Variants in OSMR observed in about 807,000 individuals in gnomAD.
The protein encoded by OSMR is oncostatin-M-specific receptor subunit beta.
A neutral mutation model predicts 99.9 loss-of-function variants in OSMR; 81 were observed. That is an observed-to-expected ratio of 0.81 (90% confidence interval 0.68 to 0.97). The LOEUF is 0.97. Among genes scored for constraint, OSMR ranks in the 50% least tolerant of loss-of-function variants. OSMR has a pLI of 0.00. For missense variants in OSMR, 1,099 were observed against 1,153.4 expected, an observed-to-expected ratio of 0.95 and a Z score of 0.68; for synonymous variants, 406 against 410.4, an observed-to-expected ratio of 0.99 and a Z score of 0.13.
intron 7 of OSMR, among the ~76,000 whole-genome samples, chr5:38,902,186 C>T (rs1196589467): frequency 6.6e-6 from 1 of 152,208 alleles, no homozygotes; most frequent in East Asian, 1.9e-4. Flanking sequence ...TATAAGAGTA[C>T]TACTTTTGTT....
chr5:38,886,235 T>G, intron 7 of OSMR, 45 bp downstream of exon 7: 1 of 1,613,806 alleles, frequency 6.2e-7, no homozygotes, highest in Non-Finnish European at 8.5e-7. Context: ...CTAACGTGTC[T>G]TTGTTTCACA....
intron 7 of OSMR, among the ~76,000 whole-genome samples, chr5:38,901,823 A>G (rs1744909926): frequency 6.6e-6 from 1 of 152,208 alleles, no homozygotes; most frequent in South Asian, 2.1e-4. Flanking sequence ...CTCATTTAAA[A>G]TTGGTGGGTT....
At position 38,933,143 on chromosome 5, in the gene OSMR, C is replaced by G; in HGVS notation, c.2639C>G (p.Ala880Gly). 3 of 1,614,154 alleles carry G rather than the reference C, an allele frequency of 1.9e-6. No homozygotes were observed. The highest frequency in any genetic ancestry group is 2.5e-6 in the Non-Finnish European group (3 of 1,180,002). ...GGCCATGTTCCAGTATCCCCAAAAG[C>G]CCCAAGTATGCTGGGACTAATGACC... ...SCGHVPVSPK[A>G]PSMLGLMTSP... Residue 880 changes from alanine to glycine, a missense_variant, in exon 18 of 18, where the codon GCC (alanine) becomes GGC (glycine). Ala to Gly is a moderately conservative substitution (Grantham distance 60). Coordinates refer to ENST00000274276, the MANE Select transcript of OSMR (RefSeq NM_003999.3).
chr5:38,911,266 G>A (rs1444081930), intron 9 of OSMR, among the ~76,000 whole-genome samples: 1 of 152,096 alleles, frequency 6.6e-6, no homozygotes, highest in African/African-American at 2.4e-5. Context: ...TGACCCCATA[G>A]AAACACAAAA....
At chr5:38,942,224 G>T in intron 1 of OSMR, 2 of 808,098 alleles carry the variant, frequency 2.5e-6, no homozygotes, top group Non-Finnish European at 4.1e-6. Flanking sequence ...TGCCTAGTCA[G>T]TCGTATTTTC....
intron 12 of OSMR, among the ~76,000 whole-genome samples, chr5:38,922,686 G>T (rs1222192102): frequency 6.6e-6 from 1 of 152,146 alleles, no homozygotes; most frequent in Non-Finnish European, 1.5e-5. Context: ...GGACTCCAAG[G>T]CTTCATGGAA....
Position 38,925,237 on chromosome 5 carries a change from A to G in OSMR, c.2078A>G (p.Asn693Ser). The change falls in exon 15 of 18, where the codon AAC becomes AGC. Residue 693 changes from asparagine (N) to serine (S), a missense_variant. Physicochemically the swap from Asn to Ser is conservative, Grantham distance 46. Coordinates refer to ENST00000274276, the MANE Select transcript of OSMR (RefSeq NM_003999.3). ...GAATGTTGCAAATACAAAATTGACA[A>G]CCCGGAAGAAAAGGCATTGATTGTG... ...GSECCKYKID[N>S]PEEKALIVDN... 6.2e-7 allele frequency: 1 copy of G among 1,614,118 alleles called. No individual in the cohort carries two copies. The highest frequency in any genetic ancestry group is 8.5e-7 in the Non-Finnish European group (1 of 1,179,994).
At chr5:38,849,278 A>G (rs902588311) in intron 1 of OSMR, among the ~76,000 whole-genome samples, 1 of 152,172 alleles carries the variant, frequency 6.6e-6, no homozygotes, top group Non-Finnish European at 1.5e-5. Context: ...CACTTGATAG[A>G]TACGAAGTGG....
In OSMR at chr5:38,886,155, G is replaced by A. The variant is rs755668690; in HGVS notation, c.956G>A (p.Arg319Lys). The A allele has an allele frequency of 1.2e-6, 2 of 1,614,110 alleles. No individual in the cohort carries two copies. Among genetic ancestry groups the A allele is most frequent in the East Asian group, 4.5e-5 (2 of 44,886 alleles). Residue 319 changes from arginine (R) to lysine (K), a missense_variant, in exon 7 of 18, where the codon AGA becomes AAA. Physicochemically the swap from Arg to Lys is conservative, Grantham distance 26. Transcript: ENST00000274276. ...TLIAENYLRK[R>K]SVNILFNLTH... ...ATAGCTGAAAATTACTTAAGGAAGA[G>A]AAGTGTCAATATCCTTTTTAACCTG...
intron 5 of OSMR, among the ~76,000 whole-genome samples, chr5:38,884,402 C>A (rs983629022): frequency 6.6e-6 from 1 of 152,024 alleles, no homozygotes. Context: ...TTTGCCCAGC[C>A]ATGCTGGAAT....
chr5:38,927,920 T>A (rs1367065500), intron 15 of OSMR, among the ~76,000 whole-genome samples: 1 of 152,182 alleles, frequency 6.6e-6, no homozygotes, highest in Non-Finnish European at 1.5e-5. Flanking sequence ...ATACCCTAAA[T>A]CATCTGTCTC....
Position 38,933,663 on chromosome 5 carries a change from G to A in OSMR, c.*219G>A, listed in dbSNP as rs993063220. On this transcript the variant is annotated 3_prime_UTR_variant, in exon 18 of 18. Transcript: ENST00000274276. ...CCCTAGAGACGGCAGGATCATGGGAGCATGCTTACCTTCTGCTGTTTGTTC... is the reference window on the plus strand; with the variant it reads ...CCCTAGAGACGGCAGGATCATGGGAACATGCTTACCTTCTGCTGTTTGTTC... 3.5e-6 allele frequency: 2 copies of A among 577,064 alleles called. No individual in the cohort carries two copies. Among genetic ancestry groups the A allele is most frequent in the South Asian group, 2.0e-5 (1 of 49,952 alleles). 35.7% of individuals were successfully genotyped at this position (577,064 alleles called of 1,614,324 possible). A position where few individuals can be genotyped will look rare whatever the true frequency, so the allele number is the denominator to read the frequency against.
chr5:38,846,640 C>T (rs903711372), intron 1 of OSMR, among the ~76,000 whole-genome samples: 1 of 152,142 alleles, frequency 6.6e-6, no homozygotes, highest in Admixed American at 6.5e-5. Flanking sequence ...TTCTGGGAAT[C>T]CGTGTATCTC....
rs570306871 is a variant in OSMR, at chr5:38,907,814, C to T, written c.1285+3311C>T. Among the ~76,000 whole-genome samples the T allele has an allele frequency of 3.5e-4, 54 of 152,340 alleles. 1 individual carries two copies. Among genetic ancestry groups the T allele is most frequent in the African/African-American group, 1.3e-3 (53 of 41,566 alleles). ...CCAGTATGCACTTGTCCATGGTCAC[C>T]CCACCACCACTTTGCCAGTGCACAC... On this transcript the variant is annotated intron_variant, in intron 9 of 17. Coordinates refer to ENST00000274276, the MANE Select transcript of OSMR (RefSeq NM_003999.3).
chr5:38,848,506 T>G (rs1392038960), intron 1 of OSMR, among the ~76,000 whole-genome samples: 2 of 152,206 alleles, frequency 1.3e-5, no homozygotes, highest in Non-Finnish European at 2.9e-5. Flanking sequence ...TAACAACTCA[T>G]TCTCACTCAA....
intron 15 of OSMR, among the ~76,000 whole-genome samples, chr5:38,925,617 C>T (rs1162748716): frequency 2.1e-4 from 32 of 152,216 alleles, no homozygotes. Flanking sequence ...CTTCCTTCTG[C>T]CTCCCTCAGT....
At chr5:38,907,154 A>G (rs569069752) in intron 9 of OSMR, among the ~76,000 whole-genome samples, 1 of 152,328 alleles carries the variant, frequency 6.6e-6, no homozygotes, top group African/African-American at 2.4e-5. Context: ...AAGAGTGGAC[A>G]CAGGGAGAAT....
At chr5:38,901,921 G>A (rs1229563423) in intron 7 of OSMR, among the ~76,000 whole-genome samples, 2 of 152,112 alleles carry the variant, frequency 1.3e-5, no homozygotes, top group Non-Finnish European at 2.9e-5. Context: ...ACCAGCTGCT[G>A]GGCCTCATTT....
At chr5:38,863,094 A>C (rs1007692628) in intron 1 of OSMR, among the ~76,000 whole-genome samples, 4 of 148,960 alleles carry the variant, frequency 2.7e-5, no homozygotes, top group Non-Finnish European at 5.9e-5. Context: ...GGGAGGTTGC[A>C]GTGGGCCGAG....
Sources: gnomAD v4.1 joint callset for allele counts (sites outside exome capture counted in the v4.1 genomes callset) on GRCh38, gnomAD v4.1.1 for gene constraint, MANE v1.5 for transcripts, NCBI Gene and HGNC (gene_info 2026-07-23, HGNC 2026-07-21) for gene names.